The following NAPEPLD variants were observed in gnomAD, a reference collection of about 807,000 sequenced individuals.
NAPEPLD encodes N-acyl-phosphatidylethanolamine-hydrolyzing phospholipase D.
A neutral mutation model predicts 38.1 loss-of-function variants in NAPEPLD; 23 were observed. The ratio of observed to expected loss-of-function variants is 0.60; its 90% CI spans 0.43 to 0.86. The LOEUF (loss-of-function observed/expected upper bound fraction) is 0.86. NAPEPLD is among the 40% of genes least tolerant of loss of function. The pLI, the probability that NAPEPLD is intolerant of heterozygous loss-of-function variation, is 0.00. For synonymous variants in NAPEPLD, 147 were observed against 162.0 expected, an observed-to-expected ratio of 0.91 and a Z score of 0.71; for missense variants, 411 against 476.8, an observed-to-expected ratio of 0.86 and a Z score of 1.28.
intron 1 of NAPEPLD, among the ~76,000 whole-genome samples, chr7:103,145,781 T>C (rs974787723): frequency 1.3e-5 from 2 of 152,076 alleles, no homozygotes; most frequent in Non-Finnish European, 2.9e-5. Context: ...GTCACCCTAA[T>C]TATGCTTAAA....
Position 103,148,944 on chromosome 7 carries a change from G to C in NAPEPLD, c.-150C>G. On this transcript the variant is annotated 5_prime_UTR_variant, in exon 1 of 5. Coordinates refer to ENST00000465647, the MANE Select transcript of NAPEPLD (RefSeq NM_001122838.3). ...TCACCGAGGCAGCTTCAGAGATGCA[G>C]GCTCCGCAACTCGCGAGGTGCGAAA... is the stretch of plus-strand genomic sequence containing the variant. 2 of 985,416 alleles carry C rather than the reference G, an allele frequency of 2.0e-6. No homozygotes were observed. The highest frequency in any genetic ancestry group is 2.4e-6 in the Non-Finnish European group (2 of 829,932). The allele number at this position is 985,416 out of a possible 1,614,324, so 61.0% of individuals were successfully genotyped here. A position where few individuals can be genotyped will look rare whatever the true frequency, so the allele number is the denominator to read the frequency against.
intron 2 of NAPEPLD, among the ~76,000 whole-genome samples, chr7:103,121,979 C>T (rs941094719): frequency 2.0e-5 from 3 of 151,952 alleles, no homozygotes; most frequent in Non-Finnish European, 2.9e-5. Flanking sequence ...ACCACCCAAG[C>T]AAAGGTACAG....
chr7:103,128,761 T>A lies in NAPEPLD; in HGVS notation c.16A>T (p.Ser6Cys). 6.2e-7 allele frequency: 1 copy of A among 1,611,840 alleles called. No homozygotes were observed. Among genetic ancestry groups the A allele is most frequent in the Non-Finnish European group, 8.5e-7 (1 of 1,179,482 alleles). Residue 6 changes from serine to cysteine, a missense_variant, in exon 2 of 5, where the codon AGC becomes TGC. Coordinates refer to ENST00000465647, the MANE Select transcript of NAPEPLD (RefSeq NM_001122838.3). ...CTGCTTGTCATCAGAGACTGGTTGC[T>A]TTCATTTTCATCCATGTCCTTTGGT... MDENE[S>C]NQSLMTSSQY...
At chr7:103,140,330 A>C (rs1457878473) in intron 1 of NAPEPLD, among the ~76,000 whole-genome samples, 2 of 151,440 alleles carry the variant, frequency 1.3e-5, no homozygotes, top group African/African-American at 4.9e-5. Context: ...TAAACTCTGG[A>C]ATGTGTTTTT....
rs1429924250 is a variant in NAPEPLD, at chr7:103,101,112, A to G, written c.*2317T>C. ...GAGAAGAGGTAAGAGATGGATTTTC[A>G]ATTCGGCGTGCAGCAGCAGGGAATA... On this transcript the variant is annotated 3_prime_UTR_variant, in exon 5 of 5. Coordinates refer to ENST00000465647, the MANE Select transcript of NAPEPLD (RefSeq NM_001122838.3). The G allele has an allele frequency of 2.0e-5, 3 of 152,230 alleles. No individual in the cohort carries two copies. In the East Asian group the frequency reaches 5.8e-4, roughly 29 times the overall value. The allele number at this position is 152,230 out of a possible 1,614,324, so 9.4% of individuals were successfully genotyped here.
intron 3 of NAPEPLD, among the ~76,000 whole-genome samples, chr7:103,117,149 A>G (rs1805742909): frequency 6.6e-6 from 1 of 152,242 alleles, no homozygotes; most frequent in South Asian, 2.1e-4. Flanking sequence ...ACAGACATGG[A>G]TTCAGCACAG....
intron 1 of NAPEPLD, chr7:103,147,885 A>G: frequency 1.4e-6 from 1 of 698,056 alleles, no homozygotes; most frequent in Non-Finnish European, 1.8e-6. Flanking sequence ...AATCCTGACT[A>G]TATTTTCAGT....
rs1471488582 is a variant in NAPEPLD at position 103,103,253 on chromosome 7, G to A, written c.*176C>T. 3.0e-6 allele frequency: 2 copies of A among 657,844 alleles called. No individual in the cohort carries two copies. Among genetic ancestry groups the A allele is most frequent in the Non-Finnish European group, 4.9e-6 (2 of 408,822 alleles). The allele number at this position is 657,844 out of a possible 1,614,324, so 40.8% of individuals were successfully genotyped here. On this transcript the variant is annotated 3_prime_UTR_variant, in exon 5 of 5. Coordinates refer to ENST00000465647, the MANE Select transcript of NAPEPLD (RefSeq NM_001122838.3). ...ACCCACCCCTGAACCCTCTCATAGT[G>A]TACATGAGCTGATCATACTAGGAAG...
intron 1 of NAPEPLD, among the ~76,000 whole-genome samples, chr7:103,130,236 T>C (rs947438240): frequency 7.2e-5 from 11 of 152,160 alleles, no homozygotes; most frequent in Non-Finnish European, 1.6e-4. Flanking sequence ...CTAGGATGAA[T>C]ACGTACACAG....
At chr7:103,132,681 C>A (rs1809190524) in intron 1 of NAPEPLD, among the ~76,000 whole-genome samples, 2 of 151,978 alleles carry the variant, frequency 1.3e-5, no homozygotes, top group Admixed American at 1.3e-4. Flanking sequence ...GGCCTGTAGT[C>A]CCAGCTACTG....
In NAPEPLD at chr7:103,140,644, T is replaced by C. The variant is rs151222679; in HGVS notation, c.-17+8167A>G. 5.9e-3 allele frequency among the ~76,000 whole-genome samples: 904 copies of C among 152,152 alleles called. 10 individuals carry two copies. The highest frequency in any genetic ancestry group is 0.02 in the African/African-American group (848 of 41,508). On this transcript the variant is annotated intron_variant, in intron 1 of 4. Transcript: ENST00000465647. ...TCCTGACCTCGTGATCTGCCCGCCT[T>C]GGCCTCCCAAAGTGCAGAACTCTTA...
Position 103,101,805 on chromosome 7 carries a change from T to A in NAPEPLD, c.*1624A>T, listed in dbSNP as rs764713970. ...CACATACAGGTGTGCAAATAAATTA[T>A]AGAGCACTGCCTGGGTAGCATTTGG... On this transcript the variant is annotated 3_prime_UTR_variant, in exon 5 of 5. Transcript: ENST00000465647. 6.6e-6 allele frequency: 1 copy of A among 152,384 alleles called. No individual in the cohort carries two copies. Among genetic ancestry groups the A allele is most frequent in the Non-Finnish European group, 1.5e-5 (1 of 68,034 alleles). The allele number at this position is 152,384 out of a possible 1,614,324, so 9.4% of individuals were successfully genotyped here. A position where few individuals can be genotyped will look rare whatever the true frequency, so the allele number is the denominator to read the frequency against.
intron 1 of NAPEPLD, among the ~76,000 whole-genome samples, chr7:103,133,581 C>A (rs1006398545): frequency 1.3e-5 from 2 of 152,142 alleles, no homozygotes; most frequent in African/African-American, 2.4e-5. Context: ...ACTCAGAAGA[C>A]CACAGATAAA....
At position 103,128,780 on chromosome 7, in the gene NAPEPLD, C is replaced by T. The variant is rs746865644; in HGVS notation, c.-4G>A. On this transcript the variant is annotated 5_prime_UTR_variant, in exon 2 of 5. Coordinates refer to ENST00000465647, the MANE Select transcript of NAPEPLD (RefSeq NM_001122838.3). Reference sequence around the variant, plus strand: ...GGTTGCTTTCATTTTCATCCATGTCCTTTGGTGAAGAACTAAAAAAAACAA... The same window carrying T: ...GGTTGCTTTCATTTTCATCCATGTCTTTTGGTGAAGAACTAAAAAAAACAA... 6.2e-6 allele frequency: 10 copies of T among 1,605,222 alleles called. No homozygotes were observed. The African/African-American group carries it at 1.1e-4, about 17-fold the overall frequency.
At chr7:103,131,615 G>A (rs920585873) in intron 1 of NAPEPLD, among the ~76,000 whole-genome samples, 5 of 151,526 alleles carry the variant, frequency 3.3e-5, no homozygotes, top group African/African-American at 4.9e-5. Flanking sequence ...AGCCGAGATC[G>A]CGCTGTTGCA....
chr7:103,128,852 A>G (rs1456522639), intron 1 of NAPEPLD, 60 bp from the exon 2 acceptor site: 27 of 1,491,000 alleles, frequency 1.8e-5, no homozygotes, highest in Non-Finnish European at 2.4e-5. Context: ...AACATAACAC[A>G]AGGTACTATT....
rs578082208 is a variant in NAPEPLD, at chr7:103,146,222, G to T, written c.-17+2589C>A. Among the ~76,000 whole-genome samples, 7 of 152,248 alleles carry T rather than the reference G, an allele frequency of 4.6e-5. No homozygotes were observed. In the East Asian group the frequency reaches 7.7e-4, roughly 17 times the overall value. The stretch of plus-strand genomic sequence containing the variant: ...TAGCTGGGTGTGGTGGCACATGCCT[G>T]TAATTCCAACTTCTCAGGAGGCTGA... On this transcript the variant is annotated intron_variant, in intron 1 of 4. Transcript: ENST00000465647.
At chr7:103,144,034 T>C (rs1812046703) in intron 1 of NAPEPLD, among the ~76,000 whole-genome samples, 2 of 152,210 alleles carry the variant, frequency 1.3e-5, no homozygotes, top group Non-Finnish European at 2.9e-5. Flanking sequence ...TAGATAATTA[T>C]TATCCTCATG....
intron 2 of NAPEPLD, among the ~76,000 whole-genome samples, chr7:103,122,291 A>G (rs1431545542): frequency 1.3e-5 from 2 of 152,094 alleles, no homozygotes; most frequent in African/African-American, 4.8e-5. Context: ...ATGCATGTGC[A>G]CACACACATA....
Sources: allele counts gnomAD v4.1 joint callset (sites outside exome capture counted in the v4.1 genomes callset), GRCh38; gene constraint gnomAD v4.1.1; transcripts MANE v1.5; gene names NCBI Gene and HGNC (gene_info 2026-07-23, HGNC 2026-07-21).